CHRNA5: variants seen among roughly 807,000 people sequenced by gnomAD.
CHRNA5 encodes the protein neuronal acetylcholine receptor subunit alpha-5.
Under a neutral mutation model 41.2 loss-of-function variants are expected in CHRNA5, and 28 were observed. That is an observed-to-expected ratio of 0.68 (90% CI 0.50 to 0.93). CHRNA5 has a LOEUF of 0.93. CHRNA5 is among the 40% of genes least tolerant of loss of function. The pLI is 0.00. For missense variants in CHRNA5, 481 were observed against 581.9 expected (o/e 0.83, Z 1.78); for synonymous variants, 188 against 205.8 (o/e 0.91, Z 0.74).
intron 1 of CHRNA5, among the ~76,000 whole-genome samples, chr15:78,572,978 A>G (rs571002401): frequency 6.6e-6 from 1 of 152,322 alleles, no homozygotes; most frequent in East Asian, 1.9e-4. Flanking sequence ...CAGTGACCAC[A>G]CATTCCTTTT....
At chr15:78,566,310 A>T (rs1161833167) in intron 1 of CHRNA5, among the ~76,000 whole-genome samples, 1 of 152,038 alleles carries the variant, frequency 6.6e-6, no homozygotes, top group Non-Finnish European at 1.5e-5. Flanking sequence ...CTTTCGCCGG[A>T]GATGAAAGGT....
chr15:78,584,980 C>T (rs996633906), intron 2 of CHRNA5, among the ~76,000 whole-genome samples: 1 of 152,158 alleles, frequency 6.6e-6, no homozygotes, highest in Non-Finnish European at 1.5e-5. Flanking sequence ...AGTGCAGTGA[C>T]ATGATCTTGG....
intron 1 of CHRNA5, among the ~76,000 whole-genome samples, chr15:78,567,429 CTT>C (rs1203254456): frequency 6.6e-6 from 1 of 152,106 alleles, no homozygotes; most frequent in Non-Finnish European, 1.5e-5. Flanking sequence ...TGTTTCATGT[CTT>C]TTAATATAGA....
At chr15:78,576,416 G>T (rs986403892) in intron 1 of CHRNA5, among the ~76,000 whole-genome samples, 2 of 152,192 alleles carry the variant, frequency 1.3e-5, no homozygotes, top group Admixed American at 6.5e-5. Context: ...AAAGTGCTGG[G>T]ATTACAGGCG....
chr15:78,593,018 AGT>A, intron 5 of CHRNA5, 72 bp from the exon 6 acceptor site: 3 of 1,540,094 alleles, frequency 1.9e-6, no homozygotes, highest in East Asian at 4.5e-5. Context: ...CTTCTAACTC[AGT>A]GTGTTTGTTA....
intron 1 of CHRNA5, among the ~76,000 whole-genome samples, chr15:78,574,816 C>CA (rs1162542049): frequency 6.6e-6 from 1 of 151,386 alleles, no homozygotes; most frequent in Non-Finnish European, 1.5e-5. Flanking sequence ...CCTGTCTCTA[C>CA]AAAAAAATTA....
intron 5 of CHRNA5, among the ~76,000 whole-genome samples, chr15:78,592,725 G>C (rs1352824577): frequency 6.6e-6 from 1 of 152,184 alleles, no homozygotes; most frequent in Non-Finnish European, 1.5e-5. Flanking sequence ...TCAGGCTAGA[G>C]TCTCTCAAAA....
At chr15:78,578,892 A>G (rs1468729182) in intron 1 of CHRNA5, among the ~76,000 whole-genome samples, 1 of 152,100 alleles carries the variant, frequency 6.6e-6, no homozygotes, top group Non-Finnish European at 1.5e-5. Flanking sequence ...TACATTTCAC[A>G]TTTCCTTAAG....
intron 1 of CHRNA5, among the ~76,000 whole-genome samples, chr15:78,580,305 T>G (rs1327201120): frequency 8.1e-6 from 1 of 123,738 alleles, no homozygotes; most frequent in Non-Finnish European, 1.6e-5. Flanking sequence ...AAAAAAAAGA[T>G]TATGCAAATT....
chr15:78,577,848 T>A (rs2052872427), intron 1 of CHRNA5, among the ~76,000 whole-genome samples: 1 of 151,016 alleles, frequency 6.6e-6, no homozygotes, highest in African/African-American at 2.4e-5. Context: ...GGAGGATCGC[T>A]TGAGTCCAGG....
In CHRNA5 at chr15:78,590,583, G is replaced by A. The variant is rs16969968; in HGVS notation, c.1192G>A (p.Asp398Asn). ...TAGAAACACATTGGAAGCTGCGCTC[G>A]ATTCTATTCGCTACATTACAAGACA... The change falls in exon 5 of 6, where the codon GAT (aspartate) becomes AAT (asparagine). Residue 398 changes from aspartate (D) to asparagine (N), a missense_variant. Asp to Asn is a conservative substitution (Grantham distance 23, BLOSUM62 1). Coordinates refer to ENST00000299565, the Ensembl canonical transcript of CHRNA5. 0.3 allele frequency: 486,724 copies of A among 1,613,800 alleles called. 79,728 individuals carry two copies. The highest frequency in any genetic ancestry group is 0.37 in the Middle Eastern group (2,264 of 6,062).
At chr15:78,565,848 CG>C in intron 1 of CHRNA5, 23 bp downstream of exon 1, 1 of 1,205,234 alleles carries the variant, frequency 8.3e-7, no homozygotes, top group Non-Finnish European at 1.0e-6. Context: ...TGCAGAGGGG[CG>C]GGGCGGGAGC....
At chr15:78,594,197 C>T (rs1350632331) in exon 6 of CHRNA5, 2 of 152,228 alleles carry the variant, frequency 1.3e-5, no homozygotes, top group Non-Finnish European at 2.9e-5. Flanking sequence ...TTAGCTTCCA[C>T]TGTAAAGTCA....
At chr15:78,583,511 G>A (rs1233527016) in intron 2 of CHRNA5, among the ~76,000 whole-genome samples, 3 of 152,042 alleles carry the variant, frequency 2.0e-5, no homozygotes, top group African/African-American at 7.2e-5. Flanking sequence ...GGCTAACACG[G>A]TGAAACCCCG....
chr15:78,593,242 G>C (rs2053040852), exon 6 of CHRNA5: 1 of 1,609,394 alleles, frequency 6.2e-7, no homozygotes, highest in South Asian at 1.1e-5. Flanking sequence ...TATTGGAAAT[G>C]CAAATAAGTG....
chr15:78,574,380 CAA>C (rs61655864), intron 1 of CHRNA5, among the ~76,000 whole-genome samples: 5,397 of 123,230 alleles, frequency 0.044, 310 homozygotes, highest in African/African-American at 0.14. Context: ...AACGCTGTCT[CAA>C]AAAAAAAAAA....
At chr15:78,569,832 T>A (rs1163624701) in intron 1 of CHRNA5, among the ~76,000 whole-genome samples, 1 of 151,972 alleles carries the variant, frequency 6.6e-6, no homozygotes, top group East Asian at 1.9e-4. Context: ...TTTTTGTTTT[T>A]TTTCTTGAGA....
intron 5 of CHRNA5, among the ~76,000 whole-genome samples, chr15:78,592,002 G>A (rs550398117): frequency 6.6e-6 from 1 of 152,348 alleles, no homozygotes; most frequent in African/African-American, 2.4e-5. Context: ...TAGGACCAAG[G>A]AGGTTGGTTT....
intron 1 of CHRNA5, among the ~76,000 whole-genome samples, chr15:78,573,937 C>CA (rs1459668646): frequency 6.7e-6 from 1 of 148,552 alleles, no homozygotes; most frequent in Non-Finnish European, 1.5e-5. Flanking sequence ...GCTGGGACTA[C>CA]AGGCGTGCAC....
Sources: allele counts gnomAD v4.1 joint callset (sites outside exome capture counted in the v4.1 genomes callset), GRCh38; gene constraint gnomAD v4.1.1; transcripts MANE v1.5; gene names NCBI Gene and HGNC (gene_info 2026-07-23, HGNC 2026-07-21).